CFAP299: variants seen among roughly 807,000 people sequenced by gnomAD.
The protein encoded by CFAP299 is cilia- and flagella-associated protein 299.
In CFAP299, 21 loss-of-function variants were observed where a neutral mutation model predicts 27.0. The ratio of observed to expected loss-of-function variants is 0.78; its 90% CI spans 0.55 to 1.12. CFAP299 has a LOEUF of 1.12. Ranked by LOEUF, CFAP299 falls within the 50% of genes most tolerant of loss-of-function variation. The pLI is 0.00. For missense variants in CFAP299, 310 were observed against 276.6 expected (o/e 1.12, Z -0.86); for synonymous variants, 104 against 98.1 (o/e 1.06, Z -0.36).
chr4:80,875,866 A>G (rs1399524018), intron 4 of CFAP299, among the ~76,000 whole-genome samples: 1 of 151,958 alleles, frequency 6.6e-6, no homozygotes, highest in Non-Finnish European at 1.5e-5. Flanking sequence ...CTTCTGGTTT[A>G]AACTGCTATC....
chr4:80,416,507 G>A (rs1276003617), intron 2 of CFAP299, among the ~76,000 whole-genome samples: 1 of 152,030 alleles, frequency 6.6e-6, no homozygotes, highest in African/African-American at 2.4e-5. Flanking sequence ...GTCTGATATT[G>A]TAAATCTATA....
intron 2 of CFAP299, among the ~76,000 whole-genome samples, chr4:80,506,977 A>G (rs1732067855): frequency 6.6e-6 from 1 of 152,216 alleles, no homozygotes; most frequent in African/African-American, 2.4e-5. Flanking sequence ...TTTTAGATAT[A>G]AAGTATTATA....
intron 2 of CFAP299, among the ~76,000 whole-genome samples, chr4:80,565,624 A>G (rs1445105415): frequency 1.3e-5 from 2 of 151,954 alleles, no homozygotes; most frequent in African/African-American, 2.4e-5. Context: ...AAATAAATGA[A>G]CCTAAATGTG....
chr4:80,348,272 G>T (rs184681921), intron 1 of CFAP299, among the ~76,000 whole-genome samples: 1 of 152,282 alleles, frequency 6.6e-6, no homozygotes, highest in East Asian at 1.9e-4. Context: ...AAAAGCAATT[G>T]CAGCAAAAGC....
chr4:80,458,909 C>G (rs558381876), intron 2 of CFAP299, among the ~76,000 whole-genome samples: 75 of 152,224 alleles, frequency 4.9e-4, no homozygotes, highest in Non-Finnish European at 1.5e-5. Context: ...GGACTAAAAC[C>G]AGGCAGCAAG....
chr4:80,410,429 G>C (rs11932267), intron 2 of CFAP299, among the ~76,000 whole-genome samples: 28,865 of 152,082 alleles, frequency 0.19, 2,906 homozygotes, highest in South Asian at 0.29. Flanking sequence ...TTTTCACCCT[G>C]GTGGGAGTTG....
At chr4:80,931,435 C>A (rs1736611590) in intron 4 of CFAP299, among the ~76,000 whole-genome samples, 1 of 152,094 alleles carries the variant, frequency 6.6e-6, no homozygotes, top group South Asian at 2.1e-4. Flanking sequence ...TCAAACAAGA[C>A]AATTGGCAAA....
chr4:80,791,762 A>T (rs1454006594), intron 3 of CFAP299, among the ~76,000 whole-genome samples: 1 of 152,004 alleles, frequency 6.6e-6, no homozygotes, highest in African/African-American at 2.4e-5. Context: ...ACCTGAAGAA[A>T]TGATCAACAT....
At chr4:80,740,843 T>C (rs1724219010) in intron 3 of CFAP299, among the ~76,000 whole-genome samples, 1 of 151,764 alleles carries the variant, frequency 6.6e-6, no homozygotes, top group South Asian at 2.1e-4. Flanking sequence ...CCATGGAGGG[T>C]TCCACCAGGC....
intron 3 of CFAP299, among the ~76,000 whole-genome samples, chr4:80,799,879 T>A (rs1384409574): frequency 9.8e-4 from 30 of 30,648 alleles, no homozygotes; most frequent in African/African-American, 4.8e-3. Flanking sequence ...TATATTATAT[T>A]ATATAATATA....
At chr4:80,869,816 CAT>C (rs1451642387) in intron 3 of CFAP299, among the ~76,000 whole-genome samples, 175 bp from the exon 4 acceptor site, 4 of 152,142 alleles carry the variant, frequency 2.6e-5, no homozygotes, top group African/African-American at 4.8e-5. Context: ...GGGCGAGTAA[CAT>C]GTGTTTTTAG....
intron 2 of CFAP299, among the ~76,000 whole-genome samples, chr4:80,407,079 A>G (rs1432598355): frequency 6.6e-6 from 1 of 152,172 alleles, no homozygotes; most frequent in Non-Finnish European, 1.5e-5. Context: ...CAATGAGGTT[A>G]AATTAACTGG....
intron 3 of CFAP299, among the ~76,000 whole-genome samples, chr4:80,663,830 A>G (rs1417347690): frequency 3.3e-5 from 5 of 152,012 alleles, no homozygotes; most frequent in African/African-American, 1.2e-4. Flanking sequence ...TTGCGATTCT[A>G]TCTGTGGTGA....
At chr4:80,924,512 T>TTGTGTGTGTGTG (rs1736202197) in intron 4 of CFAP299, among the ~76,000 whole-genome samples, 1 of 126,532 alleles carries the variant, frequency 7.9e-6, no homozygotes, top group African/African-American at 3.9e-5. Context: ...TGACAATTCA[T>TTGTGTGTGTGTG]TATGTGTGTG....
chr4:80,921,729 G>A (rs1348154027), intron 4 of CFAP299, among the ~76,000 whole-genome samples: 3 of 152,008 alleles, frequency 2.0e-5, no homozygotes, highest in African/African-American at 7.2e-5. Flanking sequence ...CTGTGCAGAA[G>A]TCAGATTGAG....
intron 2 of CFAP299, among the ~76,000 whole-genome samples, chr4:80,581,453 G>GAGATATATATATAT (rs1553936101): frequency 2.9e-5 from 3 of 103,032 alleles, no homozygotes; most frequent in African/African-American, 1.3e-4. Flanking sequence ...TATTAAGTGA[G>GAGATATATATATAT]ATATATATAT....
chr4:80,790,628 A>C (rs1186221084), intron 3 of CFAP299: 2 of 151,988 alleles, frequency 1.3e-5, no homozygotes, highest in African/African-American at 2.4e-5. Context: ...TAACCCAGAA[A>C]AGGGCCATCA....
At chr4:80,653,895 T>C (rs1740429117) in intron 3 of CFAP299, among the ~76,000 whole-genome samples, 1 of 152,164 alleles carries the variant, frequency 6.6e-6, no homozygotes, top group Non-Finnish European at 1.5e-5. Context: ...TTTTATACAA[T>C]GATTTACTGC....
intron 3 of CFAP299, among the ~76,000 whole-genome samples, chr4:80,799,477 A>G (rs1254263985): frequency 3.4e-5 from 3 of 88,936 alleles, no homozygotes; most frequent in Non-Finnish European, 5.7e-5. Flanking sequence ...ATAAATATAT[A>G]TTTATTAAAT....
Sources: gnomAD v4.1 joint callset for allele counts (sites outside exome capture counted in the v4.1 genomes callset) on GRCh38, gnomAD v4.1.1 for gene constraint, MANE v1.5 for transcripts, NCBI Gene and HGNC (gene_info 2026-07-23, HGNC 2026-07-21) for gene names.